SP4: variants seen among roughly 807,000 people sequenced by gnomAD.
The protein encoded by SP4 is transcription factor Sp4.
In SP4, 19 loss-of-function variants were observed where a neutral mutation model predicts 72.8. That is an observed-to-expected ratio of 0.26 (90% confidence interval 0.18 to 0.38). The LOEUF (loss-of-function observed/expected upper bound fraction) is 0.38. Ranked by LOEUF, SP4 falls within the 10% of genes least tolerant of loss-of-function variation. SP4 has a pLI of 1.00. For synonymous variants in SP4, 395 were observed against 333.1 expected, an observed-to-expected ratio of 1.19 and a Z score of -2.02; for missense variants, 1,008 against 926.3, an observed-to-expected ratio of 1.09 and a Z score of -1.14.
At chr7:21,444,319 T>A (rs1783355389) in intron 3 of SP4, among the ~76,000 whole-genome samples, 1 of 152,206 alleles carries the variant, frequency 6.6e-6, no homozygotes, top group African/African-American at 2.4e-5. Context: ...TCTTTGAACC[T>A]TATGTTTGTT....
intron 3 of SP4, among the ~76,000 whole-genome samples, chr7:21,456,251 T>C (rs559429936): frequency 4.6e-5 from 7 of 152,304 alleles, no homozygotes; most frequent in South Asian, 2.1e-4. Flanking sequence ...GTAAGGTCTT[T>C]AAAGGGCCTC....
chr7:21,432,783 C>T (rs540225044), intron 3 of SP4, among the ~76,000 whole-genome samples: 3 of 152,094 alleles, frequency 2.0e-5, no homozygotes, highest in Admixed American at 1.3e-4. Flanking sequence ...TGCTTGAGCC[C>T]ACTAGTTCAA....
chr7:21,445,409 G>C (rs1285976608), intron 3 of SP4, among the ~76,000 whole-genome samples: 3 of 152,132 alleles, frequency 2.0e-5, no homozygotes, highest in African/African-American at 7.2e-5. Context: ...ATGTTCTTTA[G>C]CTAATCCTGC....
At chr7:21,454,661 C>T (rs543415459) in intron 3 of SP4, among the ~76,000 whole-genome samples, 1 of 152,260 alleles carries the variant, frequency 6.6e-6, no homozygotes, top group African/African-American at 2.4e-5. Context: ...AGTTATCCAC[C>T]CTCAAAAGAC....
rs111643522 is a variant in SP4, at chr7:21,512,361, A to G, written c.*1092A>G. 6.7e-3 allele frequency: 1,028 copies of G among 152,696 alleles called. 8 individuals are homozygous for G. Among genetic ancestry groups the G allele is most frequent in the Non-Finnish European group, 0.01 (711 of 68,020 alleles). 9.5% of individuals were successfully genotyped at this position (152,696 alleles called of 1,614,324 possible). A position where few individuals can be genotyped will look rare whatever the true frequency, so the allele number is the denominator to read the frequency against. On this transcript the variant is annotated 3_prime_UTR_variant, in exon 6 of 6. Coordinates refer to ENST00000222584, the MANE Select transcript of SP4 (RefSeq NM_003112.5). Reference sequence around the variant, plus strand: ...ATTTTATTTCTAGTGCTATGTAAGAAGGTAATTAGGAATTATAACACAGTA... The same window carrying G: ...ATTTTATTTCTAGTGCTATGTAAGAGGGTAATTAGGAATTATAACACAGTA...
intron 5 of SP4, among the ~76,000 whole-genome samples, chr7:21,499,846 CAA>C (rs1200511988): frequency 1.3e-5 from 2 of 152,042 alleles, no homozygotes; most frequent in African/African-American, 4.8e-5. Flanking sequence ...TTGAGAGTAG[CAA>C]TTTGAAAAAC....
chr7:21,442,006 TTGTGTGTGTGTGTGTGTG>T (rs58100749), intron 3 of SP4, among the ~76,000 whole-genome samples: 437 of 130,556 alleles, frequency 3.3e-3, no homozygotes, highest in Non-Finnish European at 5.0e-3. Flanking sequence ...GTGTGTGTGT[TTGTGTGTGTGTGTGTGTG>T]TGTGTGTGTG....
chr7:21,497,393 G>C (rs937575842), intron 5 of SP4, among the ~76,000 whole-genome samples: 2 of 152,210 alleles, frequency 1.3e-5, no homozygotes, highest in African/African-American at 4.8e-5. Context: ...TACAAAGCTT[G>C]CTGTTCTTAC....
chr7:21,482,706 T>C (rs757669261), intron 5 of SP4: 41 of 979,684 alleles, frequency 4.2e-5, no homozygotes, highest in Non-Finnish European at 5.0e-5. Flanking sequence ...ACGTACACTT[T>C]TAATACTCTG....
rs759748896 is a variant in SP4 at position 21,430,331 on chromosome 7, A to T, written c.1166A>T (p.Gln389Leu). 124 of 1,614,108 alleles carry T rather than the reference A, an allele frequency of 7.7e-5. No individual in the cohort carries two copies. Among genetic ancestry groups the T allele is most frequent in the Non-Finnish European group, 1.0e-4 (118 of 1,180,054 alleles). Residue 389 changes from glutamine (Q) to leucine (L), a missense_variant, in exon 3 of 6, where the codon CAA becomes CTA. Transcript: ENST00000222584. ...AATGGAATGCAGAATGCACAGGATC[A>T]ATCAAATTCTCTTCAGCAGGTGCAA... ...QPNGMQNAQDQSNSLQQVQIV... is the reference protein window; with the variant it reads ...QPNGMQNAQDLSNSLQQVQIV...
intron 3 of SP4, among the ~76,000 whole-genome samples, chr7:21,432,266 T>C (rs779733515): frequency 3.3e-5 from 5 of 152,234 alleles, no homozygotes; most frequent in Non-Finnish European, 7.3e-5. Flanking sequence ...ATTACATAAA[T>C]GTTTCTCTGG....
chr7:21,495,664 T>G (rs1781686919), intron 5 of SP4, among the ~76,000 whole-genome samples: 1 of 152,158 alleles, frequency 6.6e-6, no homozygotes, highest in African/African-American at 2.4e-5. Context: ...GAATGCAAAA[T>G]GACACACTGC....
At chr7:21,458,154 T>C (rs1783832618) in intron 3 of SP4, among the ~76,000 whole-genome samples, 1 of 152,144 alleles carries the variant, frequency 6.6e-6, no homozygotes, top group African/African-American at 2.4e-5. Context: ...AATAAGTCTT[T>C]TCCATCAAGT....
chr7:21,464,059 CTATT>C lies in SP4; in HGVS notation c.1679-13015_1679-13012del, dbSNP rs569857012. Reference sequence around the variant, plus strand: ...AAAAGATTTCACTAAGTGCTAGCAACTATTTATTATGATAATTATTATTTATTCT... The same window carrying C: ...AAAAGATTTCACTAAGTGCTAGCAACTATTATGATAATTATTATTTATTCT... On this transcript the variant is annotated intron_variant, in intron 3 of 5. Transcript: ENST00000222584. Among the ~76,000 whole-genome samples the C allele has an allele frequency of 9.2e-4, 138 of 150,810 alleles. 2 individuals carry two copies. Among genetic ancestry groups the C allele is most frequent in the Admixed American group, 8.2e-3 (125 of 15,166 alleles).
chr7:21,432,231 T>C (rs967711104), intron 3 of SP4, among the ~76,000 whole-genome samples: 9 of 152,244 alleles, frequency 5.9e-5, no homozygotes, highest in Non-Finnish European at 8.8e-5. Flanking sequence ...TGCGGTACTT[T>C]TTCTCCTAAA....
At chr7:21,453,906 A>G (rs2128399584) in intron 3 of SP4, among the ~76,000 whole-genome samples, 1 of 152,348 alleles carries the variant, frequency 6.6e-6, no homozygotes, top group African/African-American at 2.4e-5. Context: ...CTTTAGCTTT[A>G]TCCTATCTAA....
At chr7:21,499,880 C>G (rs1327970958) in intron 5 of SP4, among the ~76,000 whole-genome samples, 5 of 152,230 alleles carry the variant, frequency 3.3e-5, no homozygotes, top group African/African-American at 9.6e-5. Flanking sequence ...AGAACTCTGA[C>G]AGTTAGATAA....
chr7:21,446,208 T>C lies in SP4; in HGVS notation c.1678+15365T>C, dbSNP rs117758187. Among the ~76,000 whole-genome samples the C allele has an allele frequency of 2.5e-3, 382 of 152,266 alleles. 1 individual carries two copies. Among genetic ancestry groups the C allele is most frequent in the Non-Finnish European group, 3.9e-3 (264 of 68,006 alleles). ...CACTATAATTAAGGATACCAGCTCA[T>C]ATGGGGATATTTCTAAAAATTAGCC... On this transcript the variant is annotated intron_variant, in intron 3 of 5. Transcript: ENST00000222584.
chr7:21,463,616 G>A (rs1326642716), intron 3 of SP4, among the ~76,000 whole-genome samples: 2 of 152,108 alleles, frequency 1.3e-5, no homozygotes, highest in Non-Finnish European at 2.9e-5. Context: ...AAAAATAAAC[G>A]GAGTGAAAGG....
Sources: allele counts gnomAD v4.1 joint callset (sites outside exome capture counted in the v4.1 genomes callset), GRCh38; gene constraint gnomAD v4.1.1; transcripts MANE v1.5; gene names NCBI Gene and HGNC (gene_info 2026-07-23, HGNC 2026-07-21).